CYB5R4: variants seen among roughly 807,000 people sequenced by gnomAD.
CYB5R4 encodes N-terminal cytochrome b5 and cytochrome b5 oxidoreductase domain-containing protein.
A neutral mutation model predicts 70.2 loss-of-function variants in CYB5R4; 55 were observed. The ratio of observed to expected loss-of-function variants is 0.78; its 90% CI spans 0.63 to 0.98. The LOEUF is 0.98. Ranked by LOEUF, CYB5R4 falls within the 50% of genes least tolerant of loss-of-function variation. CYB5R4 has a pLI of 0.00. For missense variants in CYB5R4, 562 were observed against 612.6 expected (o/e 0.92, Z 0.87); for synonymous variants, 197 against 199.5 (o/e 0.99, Z 0.11).
At chr6:83,934,479 T>G in intron 10 of CYB5R4, 116 bp from the exon 11 acceptor site, 1 of 647,074 alleles carries the variant, frequency 1.5e-6, no homozygotes, top group Admixed American at 3.3e-5. Context: ...TATAGGCATT[T>G]TAGTGAAATT....
intron 2 of CYB5R4, among the ~76,000 whole-genome samples, chr6:83,864,987 G>A (rs1402011033): frequency 6.6e-6 from 1 of 152,158 alleles, no homozygotes; most frequent in African/African-American, 2.4e-5. Context: ...ACTATACCAT[G>A]AGGCTCCATG....
chr6:83,874,533 C>G (rs1429685526), intron 2 of CYB5R4, among the ~76,000 whole-genome samples: 1 of 150,278 alleles, frequency 6.7e-6, no homozygotes, highest in Admixed American at 6.6e-5. Context: ...TTTTTTTTTC[C>G]CCCTAAGGCT....
At chr6:83,878,429 G>A (rs1211000927) in intron 2 of CYB5R4, among the ~76,000 whole-genome samples, 2 of 151,850 alleles carry the variant, frequency 1.3e-5, no homozygotes, top group Admixed American at 1.3e-4. Flanking sequence ...CTCACTGCAA[G>A]CTCCGCCTCC....
chr6:83,898,880 A>T (rs1389816980), intron 3 of CYB5R4, among the ~76,000 whole-genome samples: 6 of 151,888 alleles, frequency 4.0e-5, no homozygotes, highest in Non-Finnish European at 7.4e-5. Context: ...ATGATGGGGT[A>T]TTCTAAATAT....
chr6:83,871,079 C>G (rs1178915636), intron 2 of CYB5R4, among the ~76,000 whole-genome samples: 1 of 148,562 alleles, frequency 6.7e-6, no homozygotes, highest in East Asian at 2.0e-4. Flanking sequence ...CGGGTTCAAG[C>G]GAGTCTCCTG....
At chr6:83,925,032 C>T (rs1355616363) in intron 10 of CYB5R4, among the ~76,000 whole-genome samples, 1 of 152,126 alleles carries the variant, frequency 6.6e-6, no homozygotes, top group Non-Finnish European at 1.5e-5. Context: ...TCTCTTCTCA[C>T]ATGGCTATAA....
chr6:83,883,800 A>C (rs1237543684), intron 2 of CYB5R4, among the ~76,000 whole-genome samples: 2 of 152,152 alleles, frequency 1.3e-5, no homozygotes, highest in Non-Finnish European at 2.9e-5. Context: ...TTTAAAAGTT[A>C]TAACATTGTA....
chr6:83,944,710 A>G (rs958814906), intron 14 of CYB5R4, among the ~76,000 whole-genome samples: 12 of 152,144 alleles, frequency 7.9e-5, no homozygotes, highest in African/African-American at 2.9e-4. Context: ...ACAAAGACAC[A>G]CATAGGCTCA....
At position 83,859,792 on chromosome 6, in the gene CYB5R4, G is replaced by A; in HGVS notation, c.10G>A (p.Val4Ile). 6.2e-7 allele frequency: 1 copy of A among 1,613,414 alleles called. No individual in the cohort carries two copies. The change falls in exon 1 of 16, where the codon GTC becomes ATC. Residue 4 changes from valine (V) to isoleucine (I), a missense_variant. Val to Ile is a conservative substitution (Grantham distance 29). Transcript: ENST00000369681. MLN[V>I]PSQSFPAPRS... Reference sequence around the variant, plus strand: ...GGGCCGGGGTTTGAAGATGCTGAACGTCCCTTCCCAGTCTTTCCCGGCCCC... The same window carrying A: ...GGGCCGGGGTTTGAAGATGCTGAACATCCCTTCCCAGTCTTTCCCGGCCCC...
chr6:83,919,331 G>T (rs2099465998), intron 6 of CYB5R4, 66 bp from the exon 7 acceptor site: 2 of 865,568 alleles, frequency 2.3e-6, no homozygotes, highest in South Asian at 1.7e-5. Context: ...AACATTTAAT[G>T]ATTAATATAT....
chr6:83,955,499 A>G (rs760213629), intron 15 of CYB5R4, 37 bp downstream of exon 15: 2 of 1,552,560 alleles, frequency 1.3e-6, no homozygotes, highest in Non-Finnish European at 1.8e-6. Context: ...ACTGCCCAAC[A>G]CTGAAGTGAA....
chr6:83,937,118 T>TA (rs373929466), intron 12 of CYB5R4, among the ~76,000 whole-genome samples: 82 of 151,948 alleles, frequency 5.4e-4, no homozygotes, highest in African/African-American at 1.4e-3. Flanking sequence ...CTACTAAAAA[T>TA]ACAAAAATTA....
At chr6:83,862,075 CTT>C (rs1352382637) in intron 1 of CYB5R4, among the ~76,000 whole-genome samples, 1 of 152,196 alleles carries the variant, frequency 6.6e-6, no homozygotes, top group African/African-American at 2.4e-5. Context: ...CAGTTAATCT[CTT>C]TGAGTCTGTT....
At chr6:83,937,144 G>A (rs1026695268) in intron 12 of CYB5R4, among the ~76,000 whole-genome samples, 12 of 151,916 alleles carry the variant, frequency 7.9e-5, no homozygotes, top group South Asian at 2.1e-4. Flanking sequence ...GTATGATGGC[G>A]GGCGCCTGTA....
At chr6:83,959,755 A>G in intron 15 of CYB5R4, 69 bp from the exon 16 acceptor site, 1 of 1,341,112 alleles carries the variant, frequency 7.5e-7, no homozygotes, top group South Asian at 1.3e-5. Flanking sequence ...TTATGGTGGT[A>G]AACTGCTCTT....
rs1163410790 is a variant in CYB5R4, at chr6:83,963,433, A to AC, written c.*3560dup. The stretch of plus-strand genomic sequence containing the variant: ...TTGGGGCTGAGTCTGTTGATAACAG[A>AC]CCCCCATTTTTGGGCAGAAAAAACA... On this transcript the variant is annotated 3_prime_UTR_variant, in exon 16 of 16. Coordinates refer to ENST00000369681, the MANE Select transcript of CYB5R4 (RefSeq NM_016230.4). 6.6e-6 allele frequency: 1 copy of AC among 151,738 alleles called. No homozygotes were observed. Among genetic ancestry groups the AC allele is most frequent in the Non-Finnish European group, 1.5e-5 (1 of 67,950 alleles). 9.4% of individuals were successfully genotyped at this position (151,738 alleles called of 1,614,324 possible).
intron 9 of CYB5R4, among the ~76,000 whole-genome samples, chr6:83,924,268 A>G (rs751395342): frequency 5.9e-5 from 9 of 151,822 alleles, no homozygotes; most frequent in Non-Finnish European, 1.2e-4. Flanking sequence ...ACTTAATCTG[A>G]ATCTATTAAT....
chr6:83,909,889 T>A (rs2099464398), intron 4 of CYB5R4, among the ~76,000 whole-genome samples: 1 of 152,232 alleles, frequency 6.6e-6, no homozygotes, highest in Non-Finnish European at 1.5e-5. Context: ...CTAAATATCC[T>A]GCGTTGCACA....
chr6:83,947,819 G>T (rs1216672955), intron 14 of CYB5R4, among the ~76,000 whole-genome samples: 1 of 152,190 alleles, frequency 6.6e-6, no homozygotes, highest in Non-Finnish European at 1.5e-5. Flanking sequence ...AAACCACAAT[G>T]AGATACCATC....
Sources: gnomAD v4.1 joint callset for allele counts (sites outside exome capture counted in the v4.1 genomes callset) on GRCh38, gnomAD v4.1.1 for gene constraint, MANE v1.5 for transcripts, NCBI Gene and HGNC (gene_info 2026-07-23, HGNC 2026-07-21) for gene names.